ISG20: variants seen among roughly 807,000 people sequenced by gnomAD.
ISG20 encodes interferon stimulated exonuclease gene 20.
Under a neutral mutation model 11.1 loss-of-function variants are expected in ISG20, and 8 were observed. That is an observed-to-expected ratio of 0.72 (90% CI 0.42 to 1.30). The LOEUF is 1.30. Among genes scored for constraint, ISG20 ranks in the 50% most tolerant of loss-of-function variants. ISG20 has a pLI of 0.01. For missense variants in ISG20, 243 were observed against 250.2 expected, an observed-to-expected ratio of 0.97 and a Z score of 0.19; for synonymous variants, 110 against 101.7, an observed-to-expected ratio of 1.08 and a Z score of -0.49.
Position 88,644,238 on chromosome 15 carries a change from C to T in ISG20, c.228+4644C>T, listed in dbSNP as rs1034374601. Among the ~76,000 whole-genome samples the T allele has an allele frequency of 9.9e-5, 15 of 152,104 alleles. No individual in the cohort carries two copies. The South Asian group carries it at 1.9e-3, about 19-fold the overall frequency. On this transcript the variant is annotated intron_variant, in intron 2 of 3. Coordinates refer to ENST00000306072, the MANE Select transcript of ISG20 (RefSeq NM_002201.6). ...TAGATGGGAGCGAGAAAAGAGATGACGGTAAGAGTCAGAGGCTGGGCATGG... is the reference window on the plus strand; with the variant it reads ...TAGATGGGAGCGAGAAAAGAGATGATGGTAAGAGTCAGAGGCTGGGCATGG...
intron 2 of ISG20, among the ~76,000 whole-genome samples, chr15:88,641,926 C>CTTTTTTTTTTT (rs140178121): frequency 9.7e-6 from 1 of 102,846 alleles, no homozygotes; most frequent in African/African-American, 3.6e-5. Context: ...TTAGCTTCCT[C>CTTTTTTTTTTT]TTTTTTTTTT....
chr15:88,636,616 A>AT (rs549534281), upstream of ISG20, among the ~76,000 whole-genome samples: 191 of 152,314 alleles, frequency 1.3e-3, 4 homozygotes, highest in South Asian at 0.036. Flanking sequence ...TGGCACTGTC[A>AT]TAGCCTCAAA....
In ISG20 at chr15:88,639,644, C is replaced by T. The variant is rs1395905173; in HGVS notation, c.228+50C>T. ...GGCTTTGGAAATAACCCCTCTCCCA[C>T]TTCCCTGGCCCCTCTTCCCTGGTGC... On this transcript the variant is annotated intron_variant, in intron 2 of 3. Transcript: ENST00000306072. The surrounding 1 kb of genome is among the most constrained non-coding windows in gnomAD (Gnocchi z 4.2). 4.2e-6 allele frequency: 6 copies of T among 1,429,870 alleles called. No individual in the cohort carries two copies. The highest frequency in any genetic ancestry group is 1.7e-5 in the Admixed American group (1 of 58,386). 88.6% of individuals were successfully genotyped at this position (1,429,870 alleles called of 1,614,324 possible). A position where few individuals can be genotyped will look rare whatever the true frequency, so the allele number is the denominator to read the frequency against.
chr15:88,646,441 T>G (rs927825303), intron 2 of ISG20, among the ~76,000 whole-genome samples: 4 of 152,206 alleles, frequency 2.6e-5, no homozygotes, highest in African/African-American at 9.6e-5. Flanking sequence ...TGTGTGTGAA[T>G]GCACTCTATA....
At chr15:88,649,147 G>A (rs2058229274) in intron 2 of ISG20, 2 of 152,188 alleles carry the variant, frequency 1.3e-5, no homozygotes, top group African/African-American at 4.8e-5. Context: ...GCCCAGAGAG[G>A]GTCTTTGACA....
At chr15:88,640,956 A>AG (rs1195168010) in intron 2 of ISG20, among the ~76,000 whole-genome samples, 1 of 150,288 alleles carries the variant, frequency 6.7e-6, no homozygotes, top group Non-Finnish European at 1.5e-5. Flanking sequence ...AAAAAAAAAA[A>AG]AGTTAACTGT....
Position 88,639,730 on chromosome 15 carries a change from G to T in ISG20, c.228+136G>T. ...CCACACTGCTGTTGGGAGAAAGCCG[G>T]TGGTGTCTCCATCACATCCTGGAGA... On this transcript the variant is annotated intron_variant, in intron 2 of 3. Transcript: ENST00000306072. The surrounding 1 kb of genome is among the most constrained non-coding windows in gnomAD (Gnocchi z 4.2). The T allele has an allele frequency of 2.9e-6, 2 of 679,342 alleles. No homozygotes were observed. The highest frequency in any genetic ancestry group is 5.4e-5 in the East Asian group (2 of 36,844). 42.1% of individuals were successfully genotyped at this position (679,342 alleles called of 1,614,324 possible).
At position 88,650,030 on chromosome 15, in the gene ISG20, A is replaced by T; in HGVS notation, c.229-2080A>T. The T allele has an allele frequency of 1.7e-6, 1 of 578,138 alleles. No homozygotes were observed. Among genetic ancestry groups the T allele is most frequent in the Admixed American group, 2.9e-5 (1 of 34,054 alleles). The allele number at this position is 578,138 out of a possible 1,614,324, so 35.8% of individuals were successfully genotyped here. On this transcript the variant is annotated intron_variant, in intron 2 of 3. Coordinates refer to ENST00000306072, the MANE Select transcript of ISG20 (RefSeq NM_002201.6). The surrounding 1 kb of genome is among the most constrained non-coding windows in gnomAD (Gnocchi z 4.0). ...TGTAAAAGGGAACACATGATGTTCCAGGAGGCCGCTGGCTATCTAGAAGGA... is the reference window on the plus strand; with the variant it reads ...TGTAAAAGGGAACACATGATGTTCCTGGAGGCCGCTGGCTATCTAGAAGGA...
rs912914574 is a variant in ISG20 at position 88,643,428 on chromosome 15, G to A, written c.228+3834G>A. On this transcript the variant is annotated intron_variant, in intron 2 of 3. Coordinates refer to ENST00000306072, the MANE Select transcript of ISG20 (RefSeq NM_002201.6). The surrounding 1 kb of genome is among the most constrained non-coding windows in gnomAD (Gnocchi z 4.4). ...ATATAAAATTACATTTGTGGGCCAG[G>A]TGCAGTGGTTCACACCTGTAATCTC... Among the ~76,000 whole-genome samples, 1 of 152,054 alleles carries A rather than the reference G, an allele frequency of 6.6e-6. No homozygotes were observed. The highest frequency in any genetic ancestry group is 2.4e-5 in the African/African-American group (1 of 41,384).
chr15:88,644,332 G>A (rs2058131707), intron 2 of ISG20, among the ~76,000 whole-genome samples: 1 of 152,034 alleles, frequency 6.6e-6, no homozygotes. Flanking sequence ...TCGGGAGTTT[G>A]AGATCAGCCT....
At chr15:88,641,404 G>T (rs1288631245) in intron 2 of ISG20, among the ~76,000 whole-genome samples, 2 of 152,180 alleles carry the variant, frequency 1.3e-5, no homozygotes, top group South Asian at 4.1e-4. Context: ...TAAACAACAG[G>T]AATGTCCTGT....
chr15:88,636,464 CA>C (rs1179061860), upstream of ISG20, among the ~76,000 whole-genome samples: 1 of 152,128 alleles, frequency 6.6e-6, no homozygotes, highest in Non-Finnish European at 1.5e-5. Context: ...AAACAGATGG[CA>C]GGGGGAACAG....
chr15:88,650,206 A>G lies in ISG20; in HGVS notation c.229-1904A>G. 1 of 1,526,974 alleles carries G rather than the reference A, an allele frequency of 6.5e-7. No homozygotes were observed. The highest frequency in any genetic ancestry group is 8.8e-7 in the Non-Finnish European group (1 of 1,139,052). 94.6% of individuals were successfully genotyped at this position (1,526,974 alleles called of 1,614,324 possible). Reference sequence around the variant, plus strand: ...CTAGCCACGAGCCGCCCCTTTCCCTAATAGAGCTCACATCTGTTCTATTTT... The same window carrying G: ...CTAGCCACGAGCCGCCCCTTTCCCTGATAGAGCTCACATCTGTTCTATTTT... On this transcript the variant is annotated intron_variant, in intron 2 of 3. Coordinates refer to ENST00000306072, the MANE Select transcript of ISG20 (RefSeq NM_002201.6). The surrounding 1 kb of genome is among the most constrained non-coding windows in gnomAD (Gnocchi z 4.0).
chr15:88,651,901 G>C lies in ISG20; in HGVS notation c.229-209G>C, dbSNP rs984830452. On this transcript the variant is annotated intron_variant, in intron 2 of 3. Coordinates refer to ENST00000306072, the MANE Select transcript of ISG20 (RefSeq NM_002201.6). ...TCAGCTCCTGAAGGAGTCCAGGTGGGCTTTTGGCACAGAATGAAACTATCA... is the reference window on the plus strand; with the variant it reads ...TCAGCTCCTGAAGGAGTCCAGGTGGCCTTTTGGCACAGAATGAAACTATCA... 7.1e-6 allele frequency: 10 copies of C among 1,407,644 alleles called. No individual in the cohort carries two copies. In the South Asian group the frequency reaches 1.5e-4, roughly 21 times the overall value. 87.2% of individuals were successfully genotyped at this position (1,407,644 alleles called of 1,614,324 possible).
intron 2 of ISG20, among the ~76,000 whole-genome samples, chr15:88,640,562 T>A (rs2141388767): frequency 6.6e-6 from 1 of 152,276 alleles, no homozygotes; most frequent in African/African-American, 2.4e-5. Context: ...CTCAACCTCT[T>A]TGTACCCAGT....
At position 88,652,228 on chromosome 15, in the gene ISG20, T is replaced by C; in HGVS notation, c.347T>C (p.Leu116Ser). The C allele has an allele frequency of 6.2e-7, 1 of 1,614,032 alleles. No individual in the cohort carries two copies. The highest frequency in any genetic ancestry group is 1.1e-5 in the South Asian group (1 of 91,086). The change falls in exon 3 of 4, where the codon TTG (leucine) becomes TCG (serine). Residue 116 changes from leucine to serine, a missense_variant. Physicochemically the swap from Leu to Ser is moderately radical, Grantham distance 145 (BLOSUM62 -2). Coordinates refer to ENST00000306072, the MANE Select transcript of ISG20 (RefSeq NM_002201.6). ...TACGACACGTCCACTGACAGGCTGT[T>C]GTGGCGTGAGGCCAAGCTGGACCAC... ...TIYDTSTDRL[L>S]WREAKLDHCR...
At chr15:88,644,124 G>A (rs570734712) in intron 2 of ISG20, among the ~76,000 whole-genome samples, 2 of 152,282 alleles carry the variant, frequency 1.3e-5, no homozygotes, top group East Asian at 3.9e-4. Flanking sequence ...AATTAAGTGG[G>A]CCATAGGGAG....
intron 2 of ISG20, among the ~76,000 whole-genome samples, chr15:88,646,206 C>T (rs1392576797): frequency 6.6e-6 from 1 of 152,204 alleles, no homozygotes; most frequent in Non-Finnish European, 1.5e-5. Context: ...CTCTGTAACA[C>T]AGAGATGATT....
upstream of ISG20, among the ~76,000 whole-genome samples, chr15:88,636,819 G>A (rs757532065): frequency 3.3e-5 from 5 of 152,160 alleles, no homozygotes; most frequent in Admixed American, 1.3e-4. Context: ...ACTAGCCATC[G>A]CCCTGGCAGG....
Sources: gnomAD v4.1 joint callset for allele counts (sites outside exome capture counted in the v4.1 genomes callset) on GRCh38, gnomAD v4.1.1 for gene constraint, Gnocchi (gnomAD v3.1) non-coding constraint, MANE v1.5 for transcripts, NCBI Gene and HGNC (gene_info 2026-07-23, HGNC 2026-07-21) for gene names.